Variants in GPR17 observed in about 807,000 individuals in gnomAD.
The protein encoded by GPR17 is G protein-coupled receptor 17.
In GPR17, 4 loss-of-function variants were observed where a neutral mutation model predicts 1.5. That is an observed-to-expected ratio of 2.73 (90% confidence interval 1.35 to 6.25). The LOEUF (loss-of-function observed/expected upper bound fraction) is 6.25. Ranked by LOEUF, GPR17 falls within the 30% of genes most tolerant of loss-of-function variation. The pLI, the probability that GPR17 is intolerant of heterozygous loss-of-function variation, is 0.00. For synonymous variants in GPR17, 209 were observed against 207.6 expected (o/e 1.01, Z -0.06); for missense variants, 463 against 462.1 (o/e 1.00, Z -0.02).
intron 1 of GPR17, among the ~76,000 whole-genome samples, chr2:127,649,167 G>GGAAGGAAGGAAGGAAGGAAA (rs1558878358): frequency 2.3e-5 from 2 of 86,706 alleles, no homozygotes; most frequent in African/African-American, 6.1e-5. Flanking sequence ...GAGGAAGGTA[G>GGAAGGAAGGAAGGAAGGAAA]GAAGGAAGGA....
rs75481294 is a variant in GPR17, at chr2:127,652,096, T to A, written c.*341T>A. On this transcript the variant is annotated 3_prime_UTR_variant, in exon 2 of 2. Coordinates refer to ENST00000486700, the MANE Select transcript of GPR17 (RefSeq NM_001161417.2). Reference sequence around the variant, plus strand: ...TCCCAGCCTCCTTCCCGCTACAGAATCGCTCATCGGCGAGGCTCAGCAGAA... The same window carrying A: ...TCCCAGCCTCCTTCCCGCTACAGAAACGCTCATCGGCGAGGCTCAGCAGAA... 132 of 324,500 alleles carry A rather than the reference T, an allele frequency of 4.1e-4. No homozygotes were observed. In the East Asian group the frequency reaches 7.9e-3, roughly 19 times the overall value. The allele number at this position is 324,500 out of a possible 1,614,324, so 20.1% of individuals were successfully genotyped here.
In GPR17 at chr2:127,651,176, C is replaced by T. The variant is rs201325616; in HGVS notation, c.441C>T (p.Tyr147=). Reference sequence around the variant, plus strand: ...CCCTCAAGCTCCGCAGGCCCCTCTACGCACACCTGGCCTGTGCCTTCCTGT... The same window carrying T: ...CCCTCAAGCTCCGCAGGCCCCTCTATGCACACCTGGCCTGTGCCTTCCTGT... ...VKSLKLRRPL[Y]AHLACAFLWV... The change falls in exon 2 of 2, where the codon TAC becomes TAT. Residue 147 remains tyrosine, a synonymous_variant. Transcript: ENST00000486700. The T allele has an allele frequency of 6.2e-6, 10 of 1,612,396 alleles. No homozygotes were observed. Among genetic ancestry groups the T allele is most frequent in the East Asian group, 2.2e-5 (1 of 44,888 alleles).
rs1683842969 is a variant in GPR17, at chr2:127,651,935, C to T, written c.*180C>T. 7.8e-6 allele frequency: 5 copies of T among 638,568 alleles called. No individual in the cohort carries two copies. The East Asian group carries it at 1.4e-4, about 18-fold the overall frequency. 39.6% of individuals were successfully genotyped at this position (638,568 alleles called of 1,614,324 possible). A position where few individuals can be genotyped will look rare whatever the true frequency, so the allele number is the denominator to read the frequency against. ...AAAAGGAAGAACTGACAAAGGGGAT[C>T]CATCGGCCACCCCTCTGCAGGGGCT... On this transcript the variant is annotated 3_prime_UTR_variant, in exon 2 of 2. Coordinates refer to ENST00000486700, the MANE Select transcript of GPR17 (RefSeq NM_001161417.2).
chr2:127,651,089 C>T lies in GPR17; in HGVS notation c.354C>T (p.Ser118=), dbSNP rs1350618637. 2.5e-6 allele frequency: 4 copies of T among 1,613,730 alleles called. No individual in the cohort carries two copies. Among genetic ancestry groups the T allele is most frequent in the Admixed American group, 1.7e-5 (1 of 60,032 alleles). Reference sequence around the variant, plus strand: ...TCTTCTACCTCAACATGTACGCCAGCATCTACTTCCTCACCTGCATCAGCG... The same window carrying T: ...TCTTCTACCTCAACATGTACGCCAGTATCTACTTCCTCACCTGCATCAGCG... ...GFLFYLNMYA[S]IYFLTCISAD... Residue 118 remains serine (S), a synonymous_variant, in exon 2 of 2, where the codon AGC becomes AGT. Transcript: ENST00000486700.
chr2:127,650,467 G>T, intron 1 of GPR17: 1 of 556,478 alleles, frequency 1.8e-6, no homozygotes, highest in Non-Finnish European at 3.2e-6. Context: ...CTGGGTGGCA[G>T]GGGTGCAGCT....
At chr2:127,649,992 A>C in intron 1 of GPR17, 1 of 1,601,262 alleles carries the variant, frequency 6.2e-7, no homozygotes, top group Non-Finnish European at 8.5e-7. Flanking sequence ...TCCTAAACAC[A>C]GGTCTCCCCA....
chr2:127,651,874 C>A lies in GPR17; in HGVS notation c.*119C>A. 2 of 907,992 alleles carry A rather than the reference C, an allele frequency of 2.2e-6. No homozygotes were observed. Among genetic ancestry groups the A allele is most frequent in the Non-Finnish European group, 3.4e-6 (2 of 591,362 alleles). The allele number at this position is 907,992 out of a possible 1,614,324, so 56.2% of individuals were successfully genotyped here. A position where few individuals can be genotyped will look rare whatever the true frequency, so the allele number is the denominator to read the frequency against. ...AGCAACCTGAAATCTCAGCAGATGC[C>A]CACCATTTCTCTAGATCGCCTAGTC... is the stretch of plus-strand genomic sequence containing the variant. On this transcript the variant is annotated 3_prime_UTR_variant, in exon 2 of 2. Transcript: ENST00000486700.
In GPR17 at chr2:127,651,722, C is replaced by T. The variant is rs754033416; in HGVS notation, c.987C>T (p.Asn329=). Residue 329 remains asparagine (N), a synonymous_variant, in exon 2 of 2, where the codon AAC becomes AAT. Coordinates refer to ENST00000486700, the MANE Select transcript of GPR17 (RefSeq NM_001161417.2). ...GPPPSFEGKT[N]ESSLSAKSEL The stretch of plus-strand genomic sequence containing the variant: ...CCCCCAGCTTCGAAGGGAAAACCAA[C>T]GAGAGCTCGCTGAGTGCCAAGTCAG... 19 of 1,612,784 alleles carry T rather than the reference C, an allele frequency of 1.2e-5. No individual in the cohort carries two copies. Among genetic ancestry groups the T allele is most frequent in the Middle Eastern group, 1.6e-4 (1 of 6,084 alleles).
At position 127,647,361 on chromosome 2, in the gene GPR17, C is replaced by T. The variant is rs555691054; in HGVS notation, c.-21+1117C>T. On this transcript the variant is annotated intron_variant, in intron 1 of 1. Transcript: ENST00000486700. This position sits in a 1 kb window ranked among gnomAD's most constrained non-coding sequence, Gnocchi z 4.3. ...ACCGTTTCCCCGGTCTCACTTCCAG[C>T]TCCAGGGCCAATGTCCCCTGGTCAA... Among the ~76,000 whole-genome samples the T allele has an allele frequency of 5.9e-5, 9 of 152,280 alleles. No individual in the cohort carries two copies. In the East Asian group the frequency reaches 1.2e-3, roughly 20 times the overall value.
rs1683690106 is a variant in GPR17 at position 127,650,885 on chromosome 2, C to G, written c.150C>G (p.Thr50=). Residue 50 remains threonine (T), a synonymous_variant, in exon 2 of 2, where the codon ACC becomes ACG. Transcript: ENST00000486700. Reference sequence around the variant, plus strand: ...TTATCCTGGCTTTAGTTGGCAATACCCTGGCTCTGTGGCTTTTCATCCGAG... The same window carrying G: ...TTATCCTGGCTTTAGTTGGCAATACGCTGGCTCTGTGGCTTTTCATCCGAG... ...LDFILALVGN[T]LALWLFIRDH... is the part of the protein sequence containing the mutation. The G allele has an allele frequency of 6.2e-7, 1 of 1,614,116 alleles. No individual in the cohort carries two copies. Among genetic ancestry groups the G allele is most frequent in the Middle Eastern group, 1.6e-4 (1 of 6,062 alleles).
rs764454392 is a variant in GPR17 at position 127,651,632 on chromosome 2, C to T, written c.897C>T (p.Phe299=). 44 of 1,613,468 alleles carry T rather than the reference C, an allele frequency of 2.7e-5. No individual in the cohort carries two copies. Among genetic ancestry groups the T allele is most frequent in the East Asian group, 4.5e-5 (2 of 44,900 alleles). Residue 299 remains phenylalanine, a synonymous_variant, in exon 2 of 2, where the codon TTC becomes TTT. Coordinates refer to ENST00000486700, the MANE Select transcript of GPR17 (RefSeq NM_001161417.2). Reference sequence around the variant, plus strand: ...CACTCGACCCCATCATGTATTTCTTCGTGGCTGAGAAGTTCCGCCACGCCC... The same window carrying T: ...CACTCGACCCCATCATGTATTTCTTTGTGGCTGAGAAGTTCCGCCACGCCC... The part of the protein sequence containing the change: ...NGALDPIMYF[F]VAEKFRHALC...
intron 1 of GPR17, among the ~76,000 whole-genome samples, chr2:127,649,052 GAAGA>G (rs1399584816): frequency 1.8e-5 from 2 of 110,706 alleles, no homozygotes; most frequent in African/African-American, 6.7e-5. Context: ...AAAGAGAAAA[GAAGA>G]AAGGAAGGAA....
Position 127,652,065 on chromosome 2 carries a change from C to G in GPR17, c.*310C>G, listed in dbSNP as rs1683863321. 1 of 375,468 alleles carries G rather than the reference C, an allele frequency of 2.7e-6. No homozygotes were observed. Among genetic ancestry groups the G allele is most frequent in the East Asian group, 4.6e-5 (1 of 21,584 alleles). The allele number at this position is 375,468 out of a possible 1,614,324, so 23.3% of individuals were successfully genotyped here. On this transcript the variant is annotated 3_prime_UTR_variant, in exon 2 of 2. Transcript: ENST00000486700. ...GAACAATGGAGGCCTTTCTTTCCCG[C>G]TAGGCTCCCAGCCTCCTTCCCGCTA...
In GPR17 at chr2:127,647,371, A is replaced by G. The variant is rs1186139341; in HGVS notation, c.-21+1127A>G. 6.6e-6 allele frequency among the ~76,000 whole-genome samples: 1 copy of G among 152,020 alleles called. No homozygotes were observed. The highest frequency in any genetic ancestry group is 1.9e-4 in the East Asian group (1 of 5,172). On this transcript the variant is annotated intron_variant, in intron 1 of 1. Coordinates refer to ENST00000486700, the MANE Select transcript of GPR17 (RefSeq NM_001161417.2). This position sits in a 1 kb window ranked among gnomAD's most constrained non-coding sequence, Gnocchi z 4.3. ...CGGTCTCACTTCCAGCTCCAGGGCCAATGTCCCCTGGTCAAGTGACCTAAG... is the reference window on the plus strand; with the variant it reads ...CGGTCTCACTTCCAGCTCCAGGGCCGATGTCCCCTGGTCAAGTGACCTAAG...
rs1336577527 is a variant in GPR17, at chr2:127,651,949, T to TTGTGATGG, written c.*194_*195insTGTGATGG. The TTGTGATGG allele has an allele frequency of 4.6e-5, 29 of 623,826 alleles. No homozygotes were observed. Among genetic ancestry groups the TTGTGATGG allele is most frequent in the Non-Finnish European group, 8.1e-5 (28 of 347,344 alleles). 38.6% of individuals were successfully genotyped at this position (623,826 alleles called of 1,614,324 possible). A position where few individuals can be genotyped will look rare whatever the true frequency, so the allele number is the denominator to read the frequency against. On this transcript the variant is annotated 3_prime_UTR_variant, in exon 2 of 2. Transcript: ENST00000486700. ...ACAAAGGGGATCCATCGGCCACCCCTCTGCAGGGGCTTGTGATGGCTACAA... is the reference window on the plus strand; with the variant it reads ...ACAAAGGGGATCCATCGGCCACCCCTTGTGATGGCTGCAGGGGCTTGTGATGGCTACAA...
chr2:127,648,957 G>GAAGA (rs1683299467), intron 1 of GPR17, among the ~76,000 whole-genome samples: 1 of 37,552 alleles, frequency 2.7e-5, no homozygotes, highest in African/African-American at 1.1e-4. Flanking sequence ...GAGGGGAGGG[G>GAAGA]AGGGGAGGGG....
Position 127,652,108 on chromosome 2 carries a change from G to A in GPR17, c.*353G>A, listed in dbSNP as rs1032178196. On this transcript the variant is annotated 3_prime_UTR_variant, in exon 2 of 2. Transcript: ENST00000486700. ...TCCCGCTACAGAATCGCTCATCGGC[G>A]AGGCTCAGCAGAAAGACCCTGAAGG... 14 of 301,654 alleles carry A rather than the reference G, an allele frequency of 4.6e-5. No homozygotes were observed. The highest frequency in any genetic ancestry group is 2.5e-4 in the South Asian group (4 of 15,784). 18.7% of individuals were successfully genotyped at this position (301,654 alleles called of 1,614,324 possible).
chr2:127,651,788 GT>G lies in GPR17; in HGVS notation c.*36del, dbSNP rs1683831077. Reference sequence around the variant, plus strand: ...GCGCCGTCCAGGCCGAGCGCAGACTGTTTAGGACTCAGCAGACCCAGCAAGA... The same window carrying G: ...GCGCCGTCCAGGCCGAGCGCAGACTGTTAGGACTCAGCAGACCCAGCAAGA... On this transcript the variant is annotated 3_prime_UTR_variant, in exon 2 of 2. Transcript: ENST00000486700. The G allele has an allele frequency of 6.3e-7, 1 of 1,587,666 alleles. No individual in the cohort carries two copies. Among genetic ancestry groups the G allele is most frequent in the African/African-American group, 1.3e-5 (1 of 74,432 alleles).
chr2:127,649,092 A>AAAAAAAG (rs1683378613), intron 1 of GPR17, among the ~76,000 whole-genome samples: 1 of 143,288 alleles, frequency 7.0e-6, no homozygotes, highest in Non-Finnish European at 1.6e-5. Context: ...AGAAAAAAAG[A>AAAAAAAG]AAAAAGAAAA....
Sources: allele counts gnomAD v4.1 joint callset (sites outside exome capture counted in the v4.1 genomes callset), GRCh38; gene constraint gnomAD v4.1.1; non-coding constraint Gnocchi (gnomAD v3.1); transcripts MANE v1.5; gene names NCBI Gene and HGNC (gene_info 2026-07-23, HGNC 2026-07-21).